The following CNTN5 variants were observed in gnomAD, a reference collection of about 807,000 sequenced individuals.
CNTN5 encodes contactin-5.
In CNTN5, 77 loss-of-function variants were observed where a neutral mutation model predicts 129.1. That is an observed-to-expected ratio of 0.60 (90% CI 0.50 to 0.72). The LOEUF is 0.72. Among genes scored for constraint, CNTN5 ranks in the 30% least tolerant of loss-of-function variants. The pLI is 0.00. For synonymous variants in CNTN5, 509 were observed against 465.6 expected (o/e 1.09, Z -1.20); for missense variants, 1,478 against 1,328.8 (o/e 1.11, Z -1.75).
At chr11:99,198,931 C>T (rs570270092) in intron 1 of CNTN5, among the ~76,000 whole-genome samples, 31 of 151,872 alleles carry the variant, frequency 2.0e-4, no homozygotes, top group Middle Eastern at 3.4e-3. Flanking sequence ...TCAATGCCAT[C>T]GATAGTATTT....
intron 2 of CNTN5, among the ~76,000 whole-genome samples, chr11:99,385,271 T>A (rs898892697): frequency 7.2e-5 from 11 of 152,114 alleles, no homozygotes; most frequent in African/African-American, 2.7e-4. Flanking sequence ...AAACCTTGCA[T>A]CTTTTGATCA....
chr11:100,085,858 A>G (rs1435449349), intron 13 of CNTN5, among the ~76,000 whole-genome samples: 6 of 152,086 alleles, frequency 3.9e-5, no homozygotes, highest in African/African-American at 1.4e-4. Flanking sequence ...GTTAAGAAAG[A>G]AGAAAATAAA....
At chr11:99,782,370 A>G (rs931298882) in intron 3 of CNTN5, among the ~76,000 whole-genome samples, 1 of 149,838 alleles carries the variant, frequency 6.7e-6, no homozygotes, top group Admixed American at 6.6e-5. Flanking sequence ...CATGGGTAGG[A>G]AGAATCAATA....
chr11:100,062,971 A>G (rs1045145439), intron 10 of CNTN5, among the ~76,000 whole-genome samples: 1 of 152,162 alleles, frequency 6.6e-6, no homozygotes, highest in African/African-American at 2.4e-5. Context: ...ATCCCTCTGT[A>G]CAGATAAAAA....
chr11:100,176,681 C>T (rs1947976653), intron 13 of CNTN5, among the ~76,000 whole-genome samples: 1 of 151,928 alleles, frequency 6.6e-6, no homozygotes, highest in Non-Finnish European at 1.5e-5. Flanking sequence ...GAATAATGGT[C>T]TCCAAATAGA....
At chr11:99,741,379 C>G (rs1943883952) in intron 3 of CNTN5, among the ~76,000 whole-genome samples, 1 of 152,060 alleles carries the variant, frequency 6.6e-6, no homozygotes, top group Admixed American at 6.6e-5. Context: ...CAGTATGTTA[C>G]TAACACCTCC....
chr11:100,094,668 A>C (rs905934840), intron 13 of CNTN5, among the ~76,000 whole-genome samples: 9 of 151,758 alleles, frequency 5.9e-5, no homozygotes, highest in African/African-American at 2.2e-4. Context: ...GAAAGAAAGA[A>C]GAAATGAAAG....
At chr11:99,292,043 C>A (rs1164664755) in intron 1 of CNTN5, among the ~76,000 whole-genome samples, 1 of 151,892 alleles carries the variant, frequency 6.6e-6, no homozygotes, top group Non-Finnish European at 1.5e-5. Flanking sequence ...CTTACATGAG[C>A]AGGAAAGTGC....
chr11:99,288,601 G>C (rs1475339077), intron 1 of CNTN5, among the ~76,000 whole-genome samples: 2 of 151,732 alleles, frequency 1.3e-5, no homozygotes, highest in Non-Finnish European at 3.0e-5. Flanking sequence ...GATGACTACA[G>C]CTTTAATGTA....
At chr11:99,310,220 A>G (rs1865051412) in intron 1 of CNTN5, among the ~76,000 whole-genome samples, 1 of 152,212 alleles carries the variant, frequency 6.6e-6, no homozygotes, top group Non-Finnish European at 1.5e-5. Context: ...TACAATGCTG[A>G]TTAATAATTT....
At chr11:100,184,928 T>C in intron 13 of CNTN5, among the ~76,000 whole-genome samples, 1 of 151,966 alleles carries the variant, frequency 6.6e-6, no homozygotes, top group Non-Finnish European at 1.5e-5. Context: ...GGGGGTGGTT[T>C]CCCCCATGCT....
intron 1 of CNTN5, among the ~76,000 whole-genome samples, chr11:99,279,203 G>A (rs1035992473): frequency 1.3e-4 from 20 of 151,530 alleles, no homozygotes; most frequent in African/African-American, 4.1e-4. Context: ...CTCCTCCTTC[G>A]TATTCTTCAA....
intron 7 of CNTN5, among the ~76,000 whole-genome samples, chr11:99,934,947 TACAC>T (rs376959710): frequency 1.1e-4 from 9 of 79,114 alleles, no homozygotes; most frequent in East Asian, 3.8e-4. Flanking sequence ...TATATATATA[TACAC>T]ACACATATAT....
intron 3 of CNTN5, among the ~76,000 whole-genome samples, chr11:99,659,133 A>C (rs750020450): frequency 6.6e-6 from 1 of 152,034 alleles, no homozygotes; most frequent in Non-Finnish European, 1.5e-5. Flanking sequence ...ATGATCATTT[A>C]CTCTTTAAAA....
intron 2 of CNTN5, among the ~76,000 whole-genome samples, chr11:99,374,176 TAGTC>T (rs1293146933): frequency 6.6e-6 from 1 of 152,194 alleles, no homozygotes; most frequent in Non-Finnish European, 1.5e-5. Context: ...TAATGACCAA[TAGTC>T]AGAGGTCCAA....
chr11:100,340,647 C>A lies in CNTN5; in HGVS notation c.2915C>A (p.Ser972Tyr). ...GAAGTGAGTGCAACCACCAAGAAAT[C>A]CCGTAAGTGACCTGGGCTTTTTGTT... is the stretch of plus-strand genomic sequence containing the variant. Reference protein sequence around the residue: ...SSEVSATTKKSPPSQAPSNLR... With the variant: ...SSEVSATTKKYPPSQAPSNLR... Residue 972 changes from serine (S) to tyrosine (Y), a missense_variant and splice_region_variant, in exon 22 of 25, where the codon TCC becomes TAC. Ser to Tyr is a moderately radical substitution (Grantham distance 144). Transcript: ENST00000524871. 3 of 1,590,176 alleles carry A rather than the reference C, an allele frequency of 1.9e-6. No homozygotes were observed. The highest frequency in any genetic ancestry group is 2.6e-6 in the Non-Finnish European group (3 of 1,171,188).
chr11:99,517,414 C>A (rs1947098775), intron 2 of CNTN5, among the ~76,000 whole-genome samples: 1 of 152,082 alleles, frequency 6.6e-6, no homozygotes, highest in Non-Finnish European at 1.5e-5. Context: ...TGCCCTTCAA[C>A]ATGTCTCCAT....
At chr11:99,239,334 G>C (rs1433412628) in intron 1 of CNTN5, among the ~76,000 whole-genome samples, 1 of 152,128 alleles carries the variant, frequency 6.6e-6, no homozygotes, top group Admixed American at 6.5e-5. Context: ...TCTGAGTTTT[G>C]AGTGATAATA....
intron 7 of CNTN5, among the ~76,000 whole-genome samples, chr11:99,944,405 C>T (rs1367935968): frequency 2.0e-5 from 3 of 152,038 alleles, no homozygotes; most frequent in Non-Finnish European, 4.4e-5. Context: ...TAGCCAATAT[C>T]ATACCGAATG....
Sources: gnomAD v4.1 joint callset for allele counts (sites outside exome capture counted in the v4.1 genomes callset) on GRCh38, gnomAD v4.1.1 for gene constraint, MANE v1.5 for transcripts, NCBI Gene and HGNC (gene_info 2026-07-23, HGNC 2026-07-21) for gene names.